PLEKHA2: variants seen among roughly 807,000 people sequenced by gnomAD.
PLEKHA2 encodes pleckstrin homology domain containing A2.
Under a neutral mutation model 53.2 loss-of-function variants are expected in PLEKHA2, and 28 were observed. The ratio of observed to expected loss-of-function variants is 0.53; its 90% CI spans 0.39 to 0.72. The LOEUF is 0.72. Ranked by LOEUF, PLEKHA2 falls within the 30% of genes least tolerant of loss-of-function variation. The probability of loss-of-function intolerance (pLI) is 0.00; values close to 1 mark genes in which losing one functional copy is unlikely to be tolerated. For synonymous variants in PLEKHA2, 193 were observed against 196.4 expected (o/e 0.98, Z 0.14); for missense variants, 426 against 537.9 (o/e 0.79, Z 2.06).
intron 1 of PLEKHA2, among the ~76,000 whole-genome samples, chr8:38,913,370 GAA>G (rs35218067): frequency 7.4e-6 from 1 of 134,396 alleles, no homozygotes. Flanking sequence ...TCTCAAAAAG[GAA>G]AAAAAAAAAA....
At chr8:38,960,886 T>C (rs574623721) in intron 10 of PLEKHA2, 3 of 152,242 alleles carry the variant, frequency 2.0e-5, no homozygotes, top group Non-Finnish European at 4.4e-5. Flanking sequence ...TTAAAATCCA[T>C]TGGTCAATTT....
At chr8:38,946,044 C>T in intron 4 of PLEKHA2, 80 bp from the exon 5 acceptor site, 1 of 1,158,974 alleles carries the variant, frequency 8.6e-7, no homozygotes, top group Admixed American at 2.0e-5. Flanking sequence ...CCCTCAAACA[C>T]CTTAGCTTTG....
In PLEKHA2 at chr8:38,952,254, G is replaced by A. The variant is rs776958971; in HGVS notation, c.575G>A (p.Arg192His). ...AGTTACATCCCCACGTCAGGCTGCC[G>A]TGCTTCCACTGGGCCTCCCCTCATT... ...SQSYIPTSGC[R>H]ASTGPPLIKS... is the part of the protein sequence containing the mutation. Residue 192 changes from arginine (R) to histidine (H), a missense_variant, in exon 7 of 12, where the codon CGT becomes CAT. By Grantham distance (29) the Arg-to-His change is conservative. Coordinates refer to ENST00000617275, the MANE Select transcript of PLEKHA2 (RefSeq NM_021623.2). The A allele has an allele frequency of 8.1e-6, 13 of 1,612,532 alleles. No homozygotes were observed. Among genetic ancestry groups the A allele is most frequent in the African/African-American group, 1.3e-5 (1 of 74,910 alleles).
At chr8:38,968,387 G>C (rs940088505) in intron 10 of PLEKHA2, among the ~76,000 whole-genome samples, 1 of 152,178 alleles carries the variant, frequency 6.6e-6, no homozygotes, top group Non-Finnish European at 1.5e-5. Flanking sequence ...GCTCCACTTT[G>C]AGCGGTTTTA....
chr8:38,946,788 T>C (rs557592386), intron 5 of PLEKHA2, among the ~76,000 whole-genome samples: 8 of 152,138 alleles, frequency 5.3e-5, no homozygotes, highest in African/African-American at 1.9e-4. Flanking sequence ...CTTAGAGATA[T>C]AGAAAAAGAA....
At chr8:38,952,019 G>T in intron 6 of PLEKHA2, 147 bp from the exon 7 acceptor site, 1 of 1,057,262 alleles carries the variant, frequency 9.5e-7, no homozygotes, top group Non-Finnish European at 1.4e-6. Context: ...CAAAGTGTTG[G>T]GATTACAGGC....
intron 10 of PLEKHA2, among the ~76,000 whole-genome samples, chr8:38,965,158 C>A (rs1040345977): frequency 1.3e-5 from 2 of 152,078 alleles, no homozygotes; most frequent in African/African-American, 4.8e-5. Context: ...TATTTTGATT[C>A]TTGTACTTGA....
chr8:38,942,685 A>G (rs576901563), intron 3 of PLEKHA2, among the ~76,000 whole-genome samples: 1 of 152,232 alleles, frequency 6.6e-6, no homozygotes, highest in African/African-American at 2.4e-5. Flanking sequence ...TCCATCAAGG[A>G]TTGTCCCTAA....
intron 9 of PLEKHA2, among the ~76,000 whole-genome samples, chr8:38,955,359 G>A (rs1280919361): frequency 6.6e-6 from 1 of 152,178 alleles, no homozygotes; most frequent in Admixed American, 6.5e-5. Flanking sequence ...CCAGAAAGAG[G>A]CATTTTTTAT....
intron 1 of PLEKHA2, among the ~76,000 whole-genome samples, chr8:38,905,841 C>T (rs1833865404): frequency 6.6e-6 from 1 of 152,068 alleles, no homozygotes; most frequent in East Asian, 1.9e-4. Context: ...CATGCCACCA[C>T]GCCCAGCTAA....
intron 8 of PLEKHA2, among the ~76,000 whole-genome samples, 180 bp from the exon 9 acceptor site, chr8:38,953,117 A>T (rs965676776): frequency 6.6e-6 from 1 of 152,136 alleles, no homozygotes; most frequent in African/African-American, 2.4e-5. Flanking sequence ...CTGGTATTAC[A>T]GGCATGAGCC....
At chr8:38,933,461 G>A (rs1009909608) in intron 2 of PLEKHA2, among the ~76,000 whole-genome samples, 11 of 152,146 alleles carry the variant, frequency 7.2e-5, no homozygotes, top group African/African-American at 2.4e-4. Flanking sequence ...GTCAGCTTTG[G>A]TTTAGGCTCT....
intron 2 of PLEKHA2, among the ~76,000 whole-genome samples, chr8:38,933,195 C>T (rs764432993): frequency 5.3e-5 from 8 of 151,876 alleles, no homozygotes; most frequent in Admixed American, 2.0e-4. Flanking sequence ...TGTGCAACAG[C>T]GGCCCTGAGA....
intron 11 of PLEKHA2, 130 bp downstream of exon 11, chr8:38,968,799 C>G: frequency 1.2e-6 from 1 of 824,690 alleles, no homozygotes; most frequent in South Asian, 1.9e-5. Flanking sequence ...GGCTGTCTTG[C>G]TTGTTTTTCT....
chr8:38,904,288 C>G (rs970417266), intron 1 of PLEKHA2, among the ~76,000 whole-genome samples: 2 of 152,210 alleles, frequency 1.3e-5, no homozygotes, highest in Non-Finnish European at 2.9e-5. Flanking sequence ...GAGGTCCCAG[C>G]CCTGCTGGGG....
Position 38,953,361 on chromosome 8 carries a change from A to C in PLEKHA2, c.767A>C (p.Lys256Thr), listed in dbSNP as rs1834881851. The change falls in exon 9 of 12, where the codon AAG becomes ACG. Residue 256 changes from lysine to threonine, a missense_variant. Coordinates refer to ENST00000617275, the MANE Select transcript of PLEKHA2 (RefSeq NM_021623.2). ...CTGAAGACCCATGAATGTCTGGTCA[A>C]GTCTGGGTAATTGTGTCTGCTTTTT... Reference protein sequence around the residue: ...DVLKTHECLVKSGDLLMRDNL... With the variant: ...DVLKTHECLVTSGDLLMRDNL... 1.2e-6 allele frequency: 2 copies of C among 1,610,276 alleles called. No individual in the cohort carries two copies. Among genetic ancestry groups the C allele is most frequent in the Non-Finnish European group, 1.7e-6 (2 of 1,176,534 alleles).
Position 38,924,190 on chromosome 8 carries a change from C to T in PLEKHA2, c.141+6120C>T, listed in dbSNP as rs61645901. Among the ~76,000 whole-genome samples the T allele has an allele frequency of 5.3e-3, 808 of 152,228 alleles. 8 individuals are homozygous for T. Among genetic ancestry groups the T allele is most frequent in the African/African-American group, 0.019 (774 of 41,520 alleles). On this transcript the variant is annotated intron_variant, in intron 2 of 11. Coordinates refer to ENST00000617275, the MANE Select transcript of PLEKHA2 (RefSeq NM_021623.2). ...AGATGTCCTTTGATTGTTATACCTA[C>T]TCTGCCCCAAGCAGAGATGAAGAGG...
At chr8:38,953,726 G>A (rs1417416939) in intron 9 of PLEKHA2, among the ~76,000 whole-genome samples, 2 of 152,188 alleles carry the variant, frequency 1.3e-5, no homozygotes, top group African/African-American at 2.4e-5. Flanking sequence ...GAGAGACCAC[G>A]CCTCTAGGTC....
intron 3 of PLEKHA2, among the ~76,000 whole-genome samples, chr8:38,938,004 A>T (rs1834528386): frequency 6.6e-6 from 1 of 152,200 alleles, no homozygotes; most frequent in African/African-American, 2.4e-5. Context: ...AGAGACAGAG[A>T]TGAAAGTGAT....
Sources: allele counts gnomAD v4.1 joint callset (sites outside exome capture counted in the v4.1 genomes callset), GRCh38; gene constraint gnomAD v4.1.1; transcripts MANE v1.5; gene names NCBI Gene and HGNC (gene_info 2026-07-23, HGNC 2026-07-21).